Variants in CDK14 observed in about 807,000 individuals in gnomAD.
CDK14 encodes the protein cyclin dependent kinase 14.
CDK14 carries 34 observed loss-of-function variants against 60.7 expected under a neutral mutation model. The observed-to-expected ratio is 0.56, with a 90% CI of 0.43 to 0.75. The LOEUF is 0.75. Ranked by LOEUF, CDK14 falls within the 30% of genes least tolerant of loss-of-function variation. CDK14 has a pLI of 0.00. For synonymous variants in CDK14, 197 were observed against 203.7 expected, an observed-to-expected ratio of 0.97 and a Z score of 0.28; for missense variants, 482 against 564.1, an observed-to-expected ratio of 0.85 and a Z score of 1.47.
chr7:90,938,944 T>C (rs2117500867), intron 8 of CDK14, among the ~76,000 whole-genome samples: 2 of 152,328 alleles, frequency 1.3e-5, no homozygotes, highest in East Asian at 1.9e-4. Flanking sequence ...TTTCGTACTT[T>C]GGCATTTTAA....
chr7:91,142,728 T>TA (rs1422085862), intron 14 of CDK14, among the ~76,000 whole-genome samples: 14 of 152,184 alleles, frequency 9.2e-5, no homozygotes, highest in African/African-American at 2.9e-4. Flanking sequence ...GCATATAACA[T>TA]AATGTTGTAC....
chr7:90,672,542 T>A (rs1801119958), intron 2 of CDK14, among the ~76,000 whole-genome samples: 1 of 138,368 alleles, frequency 7.2e-6, no homozygotes, highest in Non-Finnish European at 1.5e-5. Flanking sequence ...TTTTTAATAA[T>A]TTGGTCTCAC....
intron 5 of CDK14, among the ~76,000 whole-genome samples, chr7:90,851,739 G>T (rs564104964): frequency 1.4e-4 from 21 of 150,650 alleles, no homozygotes; most frequent in Admixed American, 1.1e-3. Flanking sequence ...AGAGAAACCT[G>T]TTTTTCTTCC....
chr7:90,992,514 A>G (rs949106905), intron 10 of CDK14, among the ~76,000 whole-genome samples: 1 of 152,348 alleles, frequency 6.6e-6, no homozygotes, highest in South Asian at 2.1e-4. Context: ...CTGTAAGGAA[A>G]GATAGACAGT....
At position 90,779,097 on chromosome 7, in the gene CDK14, C is replaced by CA. The variant is rs1196917184; in HGVS notation, c.465-11470dup. Among the ~76,000 whole-genome samples, 4 of 151,828 alleles carry CA rather than the reference C, an allele frequency of 2.6e-5. No homozygotes were observed. The East Asian group carries it at 7.7e-4, about 29-fold the overall frequency. On this transcript the variant is annotated intron_variant, in intron 4 of 14. Coordinates refer to ENST00000380050, the MANE Select transcript of CDK14 (RefSeq NM_001287135.2). ...TGAAACCCCGTCTCTACTACAGATACAAAAAATTAGCTGGGCGTGGTGGTG... is the reference window on the plus strand; with the variant it reads ...TGAAACCCCGTCTCTACTACAGATACAAAAAAATTAGCTGGGCGTGGTGGTG...
At chr7:90,783,977 T>A (rs1265086527) in intron 4 of CDK14, among the ~76,000 whole-genome samples, 1 of 152,168 alleles carries the variant, frequency 6.6e-6, no homozygotes, top group East Asian at 1.9e-4. Flanking sequence ...TGCACCCCCA[T>A]GTTTATTGCA....
intron 5 of CDK14, among the ~76,000 whole-genome samples, chr7:90,825,363 A>T (rs1361262059): frequency 6.6e-6 from 1 of 152,150 alleles, no homozygotes; most frequent in Non-Finnish European, 1.5e-5. Context: ...GCCCTGTAGG[A>T]CCCTCCAAGA....
intron 3 of CDK14, among the ~76,000 whole-genome samples, chr7:90,742,092 G>A (rs1362510841): frequency 6.6e-6 from 1 of 151,836 alleles, no homozygotes; most frequent in Non-Finnish European, 1.5e-5. Context: ...GTGATACTTG[G>A]CCTTTTGTTT....
chr7:90,906,350 A>T (rs914749416), intron 7 of CDK14, among the ~76,000 whole-genome samples: 1 of 152,116 alleles, frequency 6.6e-6, no homozygotes, highest in Admixed American at 6.6e-5. Context: ...TAGGAAAACC[A>T]GGTGAGATAA....
intron 3 of CDK14, among the ~76,000 whole-genome samples, chr7:90,744,426 G>A (rs1305950662): frequency 6.6e-6 from 1 of 152,130 alleles, no homozygotes; most frequent in African/African-American, 2.4e-5. Flanking sequence ...ATACAGACAC[G>A]GCAACCATCT....
chr7:90,662,055 A>G (rs775914812), intron 2 of CDK14, among the ~76,000 whole-genome samples: 10 of 152,202 alleles, frequency 6.6e-5, no homozygotes, highest in Admixed American at 6.5e-4. Flanking sequence ...ACGTCCCTCC[A>G]TGAGGTCACT....
chr7:90,601,724 C>T (rs1290196092), intron 1 of CDK14, among the ~76,000 whole-genome samples: 1 of 152,048 alleles, frequency 6.6e-6, no homozygotes, highest in Non-Finnish European at 1.5e-5. Flanking sequence ...GTCTTCATTC[C>T]ATATTTGCAG....
chr7:90,907,868 T>C (rs1430321920), intron 7 of CDK14, among the ~76,000 whole-genome samples: 2 of 152,136 alleles, frequency 1.3e-5, no homozygotes, highest in East Asian at 3.8e-4. Context: ...CAGATGGCAC[T>C]GAGAATTGAT....
Position 91,118,013 on chromosome 7 carries a change from G to T in CDK14, c.1295-52G>T. 5.8e-6 allele frequency: 6 copies of T among 1,027,582 alleles called. No homozygotes were observed. The East Asian group carries it at 1.1e-4, about 18-fold the overall frequency. The allele number at this position is 1,027,582 out of a possible 1,614,324, so 63.7% of individuals were successfully genotyped here. A position where few individuals can be genotyped will look rare whatever the true frequency, so the allele number is the denominator to read the frequency against. Reference sequence around the variant, plus strand: ...CTCCATTTTTTTAAAAAAAAAACATGATTATAAATATCTATAACTATATAA... The same window carrying T: ...CTCCATTTTTTTAAAAAAAAAACATTATTATAAATATCTATAACTATATAA... On this transcript the variant is annotated intron_variant, in intron 13 of 14. Transcript: ENST00000380050.
chr7:90,694,397 A>G (rs1306611207), intron 2 of CDK14, among the ~76,000 whole-genome samples: 1 of 152,236 alleles, frequency 6.6e-6, no homozygotes, highest in Non-Finnish European at 1.5e-5. Flanking sequence ...GTAAACTGAC[A>G]ATATGTATTT....
At chr7:90,657,241 C>T (rs1281687088) in intron 2 of CDK14, among the ~76,000 whole-genome samples, 1 of 152,004 alleles carries the variant, frequency 6.6e-6, no homozygotes, top group Non-Finnish European at 1.5e-5. Flanking sequence ...ATTGAATAGC[C>T]CAAATCATTC....
At chr7:91,082,931 T>TA (rs1468831964) in intron 12 of CDK14, among the ~76,000 whole-genome samples, 1 of 152,202 alleles carries the variant, frequency 6.6e-6, no homozygotes, top group Non-Finnish European at 1.5e-5. Flanking sequence ...CCATTCTCCC[T>TA]AATGTTCTAA....
chr7:91,042,864 G>A (rs1562879994), intron 10 of CDK14, among the ~76,000 whole-genome samples: 1 of 152,220 alleles, frequency 6.6e-6, no homozygotes, highest in East Asian at 1.9e-4. Flanking sequence ...TCTGGCATCA[G>A]AGACCATACA....
At chr7:91,098,933 T>G (rs1799084948) in intron 12 of CDK14, among the ~76,000 whole-genome samples, 2 of 152,186 alleles carry the variant, frequency 1.3e-5, no homozygotes, top group Admixed American at 1.3e-4. Context: ...TAAGTTATAC[T>G]TTCAGTTCTC....
Sources: allele counts gnomAD v4.1 joint callset (sites outside exome capture counted in the v4.1 genomes callset), GRCh38; gene constraint gnomAD v4.1.1; transcripts MANE v1.5; gene names NCBI Gene and HGNC (gene_info 2026-07-23, HGNC 2026-07-21).